The following TBC1D5 variants were observed in gnomAD, a reference collection of about 807,000 sequenced individuals.
The protein encoded by TBC1D5 is TBC1 domain family, member 5.
A neutral mutation model predicts 100.3 loss-of-function variants in TBC1D5; 75 were observed. That is an observed-to-expected ratio of 0.75 (90% confidence interval 0.62 to 0.91). The LOEUF is 0.91. TBC1D5 is among the 40% of genes least tolerant of loss of function. The pLI is 0.00. For missense variants in TBC1D5, 910 were observed against 942.4 expected (o/e 0.97, Z 0.45); for synonymous variants, 323 against 325.6 (o/e 0.99, Z 0.09).
chr3:17,618,393 G>A (rs112713730), intron 2 of TBC1D5, among the ~76,000 whole-genome samples: 3,037 of 152,332 alleles, frequency 0.02, 105 homozygotes, highest in African/African-American at 0.068. Flanking sequence ...TCCATTCTCA[G>A]AGCTTAAATG....
At chr3:17,401,958 A>G (rs1210685256) in intron 8 of TBC1D5, among the ~76,000 whole-genome samples, 1 of 152,054 alleles carries the variant, frequency 6.6e-6, no homozygotes, top group South Asian at 2.1e-4. Flanking sequence ...GCACCTATAT[A>G]CTAGGGAGAC....
At chr3:17,194,605 G>T (rs543861532) in intron 18 of TBC1D5, among the ~76,000 whole-genome samples, 98 of 152,284 alleles carry the variant, frequency 6.4e-4, no homozygotes, top group African/African-American at 2.0e-3. Context: ...AATAAAAGAT[G>T]CTTTTCAAAC....
intron 1 of TBC1D5, among the ~76,000 whole-genome samples, chr3:17,652,670 G>C (rs142939870): frequency 4.6e-5 from 7 of 152,196 alleles, no homozygotes; most frequent in African/African-American, 1.4e-4. Flanking sequence ...ATACCTTCAG[G>C]TTTTAAAACA....
At chr3:17,355,053 A>C (rs909429264) in intron 13 of TBC1D5, among the ~76,000 whole-genome samples, 1 of 152,124 alleles carries the variant, frequency 6.6e-6, no homozygotes, top group African/African-American at 2.4e-5. Context: ...ACTGGACTGT[A>C]GTTTGCAATC....
intron 13 of TBC1D5, among the ~76,000 whole-genome samples, chr3:17,313,961 G>A (rs748673768): frequency 4.6e-5 from 7 of 152,052 alleles, no homozygotes; most frequent in South Asian, 2.1e-4. Context: ...AGTACCCTCC[G>A]GGGTTATCAC....
chr3:17,693,847 A>C (rs1330935431), intron 1 of TBC1D5, among the ~76,000 whole-genome samples: 1 of 152,170 alleles, frequency 6.6e-6, no homozygotes, highest in African/African-American at 2.4e-5. Context: ...CAGACACCTC[A>C]TATAAGCGGG....
intron 18 of TBC1D5, among the ~76,000 whole-genome samples, chr3:17,186,781 T>C (rs1477840862): frequency 1.5e-5 from 2 of 133,598 alleles, no homozygotes; most frequent in African/African-American, 5.5e-5. Context: ...GACATAATAG[T>C]AGCAGCTCTA....
chr3:17,608,821 T>C (rs2061499808), intron 2 of TBC1D5, among the ~76,000 whole-genome samples: 1 of 152,184 alleles, frequency 6.6e-6, no homozygotes, highest in Admixed American at 6.5e-5. Flanking sequence ...ATATATCCTG[T>C]TTCTTTCCTG....
At chr3:17,334,457 T>C (rs2087367006) in intron 13 of TBC1D5, among the ~76,000 whole-genome samples, 2 of 152,098 alleles carry the variant, frequency 1.3e-5, no homozygotes, top group Non-Finnish European at 2.9e-5. Context: ...GGGAGTTAAT[T>C]ATTATGTCCC....
intron 13 of TBC1D5, among the ~76,000 whole-genome samples, chr3:17,343,818 C>T (rs941825861): frequency 6.6e-6 from 1 of 152,080 alleles, no homozygotes; most frequent in Non-Finnish European, 1.5e-5. Flanking sequence ...GTGATATCCC[C>T]TTTATCATTT....
At chr3:17,528,012 C>T (rs1039823472) in intron 2 of TBC1D5, among the ~76,000 whole-genome samples, 1 of 152,024 alleles carries the variant, frequency 6.6e-6, no homozygotes, top group Non-Finnish European at 1.5e-5. Context: ...CTCCCAAATT[C>T]CTGTTGAAAT....
intron 1 of TBC1D5, 63 bp from the exon 2 acceptor site, chr3:17,623,976 ATCAAT>A (rs1428039120): frequency 1.3e-5 from 2 of 152,212 alleles, no homozygotes; most frequent in African/African-American, 4.8e-5. Flanking sequence ...TACAAAGTAG[ATCAAT>A]TCAAGAAAAT....
At position 17,731,467 on chromosome 3, in the gene TBC1D5, C is replaced by T. The variant is rs553382837; in HGVS notation, c.-101+7876G>A. On this transcript the variant is annotated intron_variant, in intron 1 of 21. Coordinates refer to ENST00000253692, the Ensembl canonical transcript of TBC1D5. ...GTTGCAGTGAGCTGAGATCGTGCCA[C>T]TGCACTCCAGCCCGGCGACAAAGCA... Among the ~76,000 whole-genome samples the T allele has an allele frequency of 2.7e-3, 370 of 139,132 alleles. 1 individual carries two copies. The highest frequency in any genetic ancestry group is 4.3e-3 in the Non-Finnish European group (283 of 66,342). 91.3% of individuals were successfully genotyped at this position (139,132 alleles called of 152,430 possible). A position where few individuals can be genotyped will look rare whatever the true frequency, so the allele number is the denominator to read the frequency against.
At chr3:17,215,060 G>C (rs1263246113) in intron 17 of TBC1D5, among the ~76,000 whole-genome samples, 1 of 151,956 alleles carries the variant, frequency 6.6e-6, no homozygotes, top group East Asian at 1.9e-4. Flanking sequence ...GAACAGGTAG[G>C]GATTTGTAGA....
chr3:17,216,422 C>T (rs1294924420), intron 17 of TBC1D5, among the ~76,000 whole-genome samples: 4 of 152,082 alleles, frequency 2.6e-5, no homozygotes, highest in African/African-American at 7.2e-5. Flanking sequence ...CTCTGCCCAA[C>T]TCTGATTCCT....
At chr3:17,676,426 T>C (rs1027419930) in intron 1 of TBC1D5, among the ~76,000 whole-genome samples, 3 of 151,994 alleles carry the variant, frequency 2.0e-5, no homozygotes, top group Non-Finnish European at 4.4e-5. Flanking sequence ...ATAAAATACC[T>C]AGGAATCCAA....
At chr3:17,723,907 A>T (rs2075894794) in intron 1 of TBC1D5, among the ~76,000 whole-genome samples, 1 of 152,170 alleles carries the variant, frequency 6.6e-6, no homozygotes, top group Non-Finnish European at 1.5e-5. Context: ...CAACTACATT[A>T]GAATACTTCA....
At chr3:17,307,005 G>A (rs949938180) in intron 14 of TBC1D5, among the ~76,000 whole-genome samples, 1 of 151,944 alleles carries the variant, frequency 6.6e-6, no homozygotes, top group African/African-American at 2.4e-5. Context: ...TACATTTTTT[G>A]GATAAAATGT....
At chr3:17,682,630 C>T (rs904734360) in intron 1 of TBC1D5, among the ~76,000 whole-genome samples, 2 of 148,558 alleles carry the variant, frequency 1.3e-5, no homozygotes, top group African/African-American at 2.6e-5. Context: ...ACCACAGGTC[C>T]CCATTTGACC....
Sources: allele counts gnomAD v4.1 joint callset (sites outside exome capture counted in the v4.1 genomes callset), GRCh38; gene constraint gnomAD v4.1.1; transcripts MANE v1.5; gene names NCBI Gene and HGNC (gene_info 2026-07-23, HGNC 2026-07-21).